The following PLPP1 variants were observed in gnomAD, a reference collection of about 807,000 sequenced individuals.
PLPP1 encodes phospholipid phosphatase 1, also known as lipid phosphate phosphohydrolase 1a.
Under a neutral mutation model 31.2 loss-of-function variants are expected in PLPP1, and 24 were observed. The observed-to-expected ratio is 0.77, with a 90% CI of 0.56 to 1.08. The LOEUF (loss-of-function observed/expected upper bound fraction) is 1.08. Ranked by LOEUF, PLPP1 falls within the 50% of genes least tolerant of loss-of-function variation. The pLI is 0.00. For missense variants in PLPP1, 319 were observed against 342.7 expected, an observed-to-expected ratio of 0.93 and a Z score of 0.55; for synonymous variants, 146 against 126.3, an observed-to-expected ratio of 1.16 and a Z score of -1.05.
intron 1 of PLPP1, among the ~76,000 whole-genome samples, chr5:55,533,604 TC>T (rs1421967397): frequency 3.3e-5 from 5 of 152,144 alleles, no homozygotes; most frequent in Non-Finnish European, 7.3e-5. Flanking sequence ...AAGCCACAGA[TC>T]TCCCACCCTG....
chr5:55,437,892 AGG>A (rs2111695085), intron 4 of PLPP1, among the ~76,000 whole-genome samples: 2 of 152,350 alleles, frequency 1.3e-5, no homozygotes, highest in Middle Eastern at 3.4e-3. Context: ...CAACAATGCT[AGG>A]AGGTATACAG....
chr5:55,448,130 AAGT>A (rs1245430899), intron 3 of PLPP1, among the ~76,000 whole-genome samples: 1 of 152,202 alleles, frequency 6.6e-6, no homozygotes, highest in Non-Finnish European at 1.5e-5. Context: ...AACTTTTCCT[AAGT>A]ATATTAGTCA....
chr5:55,434,816 A>G (rs1381576272), intron 4 of PLPP1, among the ~76,000 whole-genome samples: 2 of 152,196 alleles, frequency 1.3e-5, no homozygotes, highest in Non-Finnish European at 2.9e-5. Context: ...CAAAGAAAAC[A>G]TAGGGGAAAC....
chr5:55,488,208 T>A (rs1346409259), intron 1 of PLPP1, among the ~76,000 whole-genome samples: 9 of 143,180 alleles, frequency 6.3e-5, no homozygotes, highest in Non-Finnish European at 9.2e-5. Flanking sequence ...TTCCACTCCT[T>A]AAAAAAAAAA....
intron 1 of PLPP1, among the ~76,000 whole-genome samples, chr5:55,517,000 A>G (rs1418471232): frequency 6.6e-6 from 1 of 152,198 alleles, no homozygotes; most frequent in African/African-American, 2.4e-5. Context: ...ATAATTCACT[A>G]AAGTCTCCTA....
At position 55,530,661 on chromosome 5, in the gene PLPP1, A is replaced by G. The variant is rs531774739; in HGVS notation, c.58+3911T>C. 14 of 1,599,308 alleles carry G rather than the reference A, an allele frequency of 8.8e-6. No individual in the cohort carries two copies. The African/African-American group carries it at 1.1e-4, about 12-fold the overall frequency. On this transcript the variant is annotated intron_variant, in intron 1 of 5. Transcript: ENST00000307259. ...GCAGCTACCAGAAAACTTCCTCATT[A>G]TATTTTCAAGGTCTAAGGCCCGTTC...
chr5:55,506,421 C>T (rs1352716484), intron 1 of PLPP1, among the ~76,000 whole-genome samples: 1 of 152,060 alleles, frequency 6.6e-6, no homozygotes, highest in Non-Finnish European at 1.5e-5. Context: ...AAAACTTTAA[C>T]AAAAAGTTTC....
chr5:55,528,836 T>G (rs1740560323), intron 1 of PLPP1, among the ~76,000 whole-genome samples: 1 of 152,212 alleles, frequency 6.6e-6, no homozygotes, highest in African/African-American at 2.4e-5. Context: ...TGTATATTAG[T>G]ATGGAATGTC....
At chr5:55,491,871 AAAAAAGAAAG>A in intron 1 of PLPP1, among the ~76,000 whole-genome samples, 1 of 148,304 alleles carries the variant, frequency 6.7e-6, no homozygotes, top group African/African-American at 2.5e-5. Context: ...AAAAAAAAAA[AAAAAAGAAAG>A]AAAAGAAAGA....
intron 3 of PLPP1, among the ~76,000 whole-genome samples, chr5:55,459,775 T>TGAAG: frequency 6.6e-6 from 1 of 152,020 alleles, no homozygotes; most frequent in Non-Finnish European, 1.5e-5. Context: ...TTTTCTTCAA[T>TGAAG]AACAGCTACA....
intron 1 of PLPP1, among the ~76,000 whole-genome samples, chr5:55,513,795 G>A (rs937767838): frequency 2.0e-5 from 3 of 152,102 alleles, no homozygotes; most frequent in Non-Finnish European, 4.4e-5. Context: ...GCATGGCAGT[G>A]CACATCTGTG....
intron 1 of PLPP1, among the ~76,000 whole-genome samples, chr5:55,501,934 TTTGA>T (rs750334874): frequency 3.3e-5 from 5 of 152,224 alleles, no homozygotes; most frequent in Non-Finnish European, 7.3e-5. Flanking sequence ...ATAACAGTGC[TTTGA>T]TTTAGTCACC....
At chr5:55,451,627 T>G (rs1170742497) in intron 3 of PLPP1, among the ~76,000 whole-genome samples, 3 of 151,946 alleles carry the variant, frequency 2.0e-5, no homozygotes, top group African/African-American at 7.3e-5. Flanking sequence ...AGTGGCATGA[T>G]CTCGGCTCAC....
intron 2 of PLPP1, among the ~76,000 whole-genome samples, chr5:55,470,999 T>A (rs779003563): frequency 6.6e-6 from 1 of 152,182 alleles, no homozygotes; most frequent in African/African-American, 2.4e-5. Context: ...TAAATCTCCA[T>A]CAACCAAGAT....
intron 3 of PLPP1, among the ~76,000 whole-genome samples, chr5:55,460,328 A>C (rs1752126684): frequency 6.6e-6 from 1 of 152,206 alleles, no homozygotes; most frequent in Admixed American, 6.5e-5. Flanking sequence ...TAAAAGCAAA[A>C]ATAAATGAAA....
intron 2 of PLPP1, among the ~76,000 whole-genome samples, chr5:55,474,453 G>C (rs1015682403): frequency 6.6e-6 from 1 of 152,168 alleles, no homozygotes; most frequent in African/African-American, 2.4e-5. Flanking sequence ...AAATCATGTA[G>C]TCCAGTCAAT....
intron 3 of PLPP1, among the ~76,000 whole-genome samples, chr5:55,443,192 A>AAAAAAAATATATATATAT: frequency 3.9e-5 from 1 of 25,440 alleles, no homozygotes; most frequent in Non-Finnish European, 8.6e-5. Context: ...AAAAAAAAAA[A>AAAAAAAATATATATATAT]ATATATATAT....
chr5:55,464,393 C>A (rs1752239304), intron 3 of PLPP1, among the ~76,000 whole-genome samples: 1 of 151,980 alleles, frequency 6.6e-6, no homozygotes. Flanking sequence ...CACCACCACA[C>A]CTCGCTAATT....
At chr5:55,477,396 C>CTT (rs3070044) in intron 1 of PLPP1, among the ~76,000 whole-genome samples, 101,290 of 133,134 alleles carry the variant, frequency 0.76, 39,452 homozygotes, top group South Asian at 0.88. Flanking sequence ...TTTTTCTTTT[C>CTT]TTTTTTTTTT....
Sources: gnomAD v4.1 joint callset for allele counts (sites outside exome capture counted in the v4.1 genomes callset) on GRCh38, gnomAD v4.1.1 for gene constraint, MANE v1.5 for transcripts, NCBI Gene and HGNC (gene_info 2026-07-23, HGNC 2026-07-21) for gene names.